Variants in RIOK2 observed in about 807,000 individuals in gnomAD.
RIOK2 encodes RIO kinase 2.
Under a neutral mutation model 62.4 loss-of-function variants are expected in RIOK2, and 46 were observed. That is an observed-to-expected ratio of 0.74 (90% CI 0.58 to 0.94). The LOEUF (loss-of-function observed/expected upper bound fraction) is 0.94. Among genes scored for constraint, RIOK2 ranks in the 40% least tolerant of loss-of-function variants. The pLI is 0.00. For synonymous variants in RIOK2, 197 were observed against 216.0 expected, an observed-to-expected ratio of 0.91 and a Z score of 0.77; for missense variants, 574 against 658.0, an observed-to-expected ratio of 0.87 and a Z score of 1.40.
rs1235003245 is a variant in RIOK2, at chr5:97,177,126, G to A, written c.488C>T (p.Ala163Val). ...AAATAAAATAAATACCTTCATATAGGCAAATTCCTTCATGGCAGAGAGACG... is the reference window on the plus strand; with the variant it reads ...AAATAAAATAAATACCTTCATATAGACAAATTCCTTCATGGCAGAGAGACG... Reference protein sequence around the residue: ...LSRLSAMKEFAYMKALYERKF... With the variant: ...LSRLSAMKEFVYMKALYERKF... The change falls in exon 4 of 10, where the codon GCC (alanine) becomes GTC (valine). Residue 163 changes from alanine to valine, a missense_variant. Coordinates refer to ENST00000283109, the MANE Select transcript of RIOK2 (RefSeq NM_018343.3). The A allele has an allele frequency of 1.2e-6, 2 of 1,610,032 alleles. No individual in the cohort carries two copies. Among genetic ancestry groups the A allele is most frequent in the Non-Finnish European group, 8.5e-7 (1 of 1,178,122 alleles).
intron 4 of RIOK2, among the ~76,000 whole-genome samples, chr5:97,173,926 C>T (rs765859077): frequency 8.9e-4 from 136 of 152,218 alleles, no homozygotes; most frequent in Non-Finnish European, 1.2e-3. Flanking sequence ...CTTTAAAATA[C>T]CTTAGATTTA....
At chr5:97,181,212 C>G (rs779536495) in intron 1 of RIOK2, among the ~76,000 whole-genome samples, 1 of 143,748 alleles carries the variant, frequency 7.0e-6, no homozygotes. Flanking sequence ...GTGAAGGTTG[C>G]AGTGAGCTGA....
Position 97,162,530 on chromosome 5 carries a change from C to G in RIOK2, c.*531G>C, listed in dbSNP as rs1490111465. On this transcript the variant is annotated 3_prime_UTR_variant, in exon 10 of 10. Transcript: ENST00000283109. ...CATTACCAATGTAAGTGGCACAAAA[C>G]AGATTATTAATCAATTAATTAAGCA... is the stretch of plus-strand genomic sequence containing the variant. The G allele has an allele frequency of 6.5e-6, 1 of 152,680 alleles. No individual in the cohort carries two copies. The highest frequency in any genetic ancestry group is 1.5e-5 in the Non-Finnish European group (1 of 68,416). The allele number at this position is 152,680 out of a possible 1,614,324, so 9.5% of individuals were successfully genotyped here.
intron 4 of RIOK2, among the ~76,000 whole-genome samples, chr5:97,174,427 GTTTTT>G (rs111845025): frequency 6.6e-6 from 1 of 151,280 alleles, no homozygotes; most frequent in South Asian, 2.1e-4. Context: ...CTCAAAAAAA[GTTTTT>G]TTTTACATTG....
chr5:97,179,987 TATAAAA>T (rs1291833257), intron 1 of RIOK2, among the ~76,000 whole-genome samples: 3 of 50,540 alleles, frequency 5.9e-5, no homozygotes, highest in East Asian at 8.4e-4. Context: ...AATATATATA[TATAAAA>T]TATATATATA....
In RIOK2 at chr5:97,161,853, G is replaced by A. The variant is rs1415594435; in HGVS notation, c.*1208C>T. On this transcript the variant is annotated 3_prime_UTR_variant, in exon 10 of 10. Transcript: ENST00000283109. ...TAAAAGTTGAGAGATTATACAAAAT[G>A]AATACCTGAATTCAAAGATATATCT... is the stretch of plus-strand genomic sequence containing the variant. 2 of 152,172 alleles carry A rather than the reference G, an allele frequency of 1.3e-5. No individual in the cohort carries two copies. Among genetic ancestry groups the A allele is most frequent in the Non-Finnish European group, 2.9e-5 (2 of 68,024 alleles). 9.4% of individuals were successfully genotyped at this position (152,172 alleles called of 1,614,324 possible).
At chr5:97,183,092 G>C (rs200040303) in intron 1 of RIOK2, 34 bp downstream of exon 1, 4 of 1,611,038 alleles carry the variant, frequency 2.5e-6, no homozygotes, top group African/African-American at 2.7e-5. Flanking sequence ...ACAGTGTTAA[G>C]GGGAAGGGAG....
At position 97,162,818 on chromosome 5, in the gene RIOK2, T is replaced by C; in HGVS notation, c.*243A>G. The C allele has an allele frequency of 2.5e-6, 1 of 408,092 alleles. No individual in the cohort carries two copies. 25.3% of individuals were successfully genotyped at this position (408,092 alleles called of 1,614,324 possible). ...AAAATGTTATTTAGATTTTTAAAAA[T>C]ATGCAAATGTCTCTAATAAAGTTAC... On this transcript the variant is annotated 3_prime_UTR_variant, in exon 10 of 10. Transcript: ENST00000283109.
chr5:97,165,554 T>C (rs1011129302), intron 8 of RIOK2, among the ~76,000 whole-genome samples: 4 of 152,214 alleles, frequency 2.6e-5, no homozygotes, highest in Non-Finnish European at 5.9e-5. Flanking sequence ...ACAGTACTCA[T>C]TATAGTCAGC....
In RIOK2 at chr5:97,177,208, T is replaced by C. The variant is rs746802844; in HGVS notation, c.406A>G (p.Lys136Glu). ...TGTTTATGATAATCGCGTTTGTTTTTCAAATTTCGAAACGAGGTTCTTCCT... is the reference window on the plus strand; with the variant it reads ...TGTTTATGATAATCGCGTTTGTTTTCCAAATTTCGAAACGAGGTTCTTCCT... ...RLGRTSFRNL[K>E]NKRDYHKHRH... The change falls in exon 4 of 10, where the codon AAA (lysine) becomes GAA (glutamate). Residue 136 changes from lysine to glutamate, a missense_variant. Physicochemically the swap from Lys to Glu is moderately conservative, Grantham distance 56. Transcript: ENST00000283109. 3 of 1,613,768 alleles carry C rather than the reference T, an allele frequency of 1.9e-6. No individual in the cohort carries two copies. Among genetic ancestry groups the C allele is most frequent in the Non-Finnish European group, 2.5e-6 (3 of 1,179,824 alleles).
rs1017103666 is a variant in RIOK2, at chr5:97,162,637, T to C, written c.*424A>G. The C allele has an allele frequency of 6.4e-6, 1 of 155,830 alleles. No homozygotes were observed. The highest frequency in any genetic ancestry group is 2.4e-5 in the African/African-American group (1 of 41,534). 9.7% of individuals were successfully genotyped at this position (155,830 alleles called of 1,614,324 possible). ...AAAATAAGACAGTGAAGTCCTCCAG[T>C]TGCCAAATAAAATGCAACCAAATTG... On this transcript the variant is annotated 3_prime_UTR_variant, in exon 10 of 10. Coordinates refer to ENST00000283109, the MANE Select transcript of RIOK2 (RefSeq NM_018343.3).
chr5:97,178,318 A>ATGCTCTTCTGCAGTACCTACG (rs1749226799), intron 2 of RIOK2, among the ~76,000 whole-genome samples: 2 of 63,856 alleles, frequency 3.1e-5, no homozygotes, highest in African/African-American at 1.1e-4. Context: ...TTTATCCTAT[A>ATGCTCTTCTGCAGTACCTACG]TGCTCTTCTG....
intron 1 of RIOK2, among the ~76,000 whole-genome samples, 183 bp from the exon 2 acceptor site, chr5:97,179,376 A>C (rs551423778): frequency 6.6e-6 from 1 of 152,284 alleles, no homozygotes; most frequent in African/African-American, 2.4e-5. Context: ...AATCATTGAT[A>C]TTTGTATTGG....
rs1049803776 is a variant in RIOK2 at position 97,165,124 on chromosome 5, A to G, written c.1421T>C (p.Met474Thr). The change falls in exon 9 of 10, where the codon ATG (methionine) becomes ACG (threonine). Residue 474 changes from methionine (M) to threonine (T), a missense_variant. Coordinates refer to ENST00000283109, the MANE Select transcript of RIOK2 (RefSeq NM_018343.3). Reference sequence around the variant, plus strand: ...CAGAGTTCTTGTTCTATACTGATTCATAGCTCCCACATTTTCTTCATCTCT... The same window carrying G: ...CAGAGTTCTTGTTCTATACTGATTCGTAGCTCCCACATTTTCTTCATCTCT... ...PFRDEENVGAMNQYRTRTLSI... is the reference protein window; with the variant it reads ...PFRDEENVGATNQYRTRTLSI... The G allele has an allele frequency of 4.7e-6, 7 of 1,479,018 alleles. No homozygotes were observed. The highest frequency in any genetic ancestry group is 2.8e-5 in the African/African-American group (2 of 70,402). The allele number at this position is 1,479,018 out of a possible 1,614,324, so 91.6% of individuals were successfully genotyped here. A position where few individuals can be genotyped will look rare whatever the true frequency, so the allele number is the denominator to read the frequency against.
chr5:97,181,005 G>C (rs1457693930), intron 1 of RIOK2, among the ~76,000 whole-genome samples: 1 of 152,064 alleles, frequency 6.6e-6, no homozygotes, highest in Non-Finnish European at 1.5e-5. Flanking sequence ...CAGGTGCAGT[G>C]GCTCACACCT....
chr5:97,182,911 G>T, intron 1 of RIOK2: 1 of 586,466 alleles, frequency 1.7e-6, no homozygotes, highest in South Asian at 1.9e-5. Flanking sequence ...ACAATTATTA[G>T]AAGACGGGAC....
At chr5:97,164,527 A>G (rs1308139944) in intron 9 of RIOK2, among the ~76,000 whole-genome samples, 8 of 151,684 alleles carry the variant, frequency 5.3e-5, no homozygotes, top group Non-Finnish European at 1.2e-4. Flanking sequence ...CAAAAAAAAA[A>G]CAAAAACAAA....
At position 97,179,074 on chromosome 5, in the gene RIOK2, T is replaced by G. The variant is rs746051862; in HGVS notation, c.186A>C (p.Ile62=). 17 of 1,613,982 alleles carry G rather than the reference T, an allele frequency of 1.1e-5. No individual in the cohort carries two copies. Among genetic ancestry groups the G allele is most frequent in the Non-Finnish European group, 1.1e-5 (13 of 1,179,938 alleles). ...ACTTACTTTTGGTACGCTCCCAAGC[T>G]ATGAGTTTATGTTTCACTAATTCTC... ...VLRELVKHKL[I]AWERTKTVQG... is the part of the protein sequence containing the mutation. The change falls in exon 2 of 10, where the codon ATA becomes ATC. Residue 62 remains isoleucine (I), a synonymous_variant. Transcript: ENST00000283109.
intron 1 of RIOK2, among the ~76,000 whole-genome samples, chr5:97,180,002 T>A (rs1186781959): frequency 1.3e-4 from 7 of 55,976 alleles, no homozygotes; most frequent in Non-Finnish European, 1.4e-4. Flanking sequence ...AATATATATA[T>A]ATTATATATA....
Sources: gnomAD v4.1 joint callset for allele counts (sites outside exome capture counted in the v4.1 genomes callset) on GRCh38, gnomAD v4.1.1 for gene constraint, MANE v1.5 for transcripts, NCBI Gene and HGNC (gene_info 2026-07-23, HGNC 2026-07-21) for gene names.